The following MAPK10 variants were observed in gnomAD, a reference collection of about 807,000 sequenced individuals.
The protein encoded by MAPK10 is JNK3 alpha protein kinase.
MAPK10 carries 25 observed loss-of-function variants against 59.3 expected under a neutral mutation model. The observed-to-expected ratio is 0.42, with a 90% confidence interval of 0.31 to 0.59. The LOEUF (loss-of-function observed/expected upper bound fraction) is 0.59. Ranked by LOEUF, MAPK10 falls within the 20% of genes least tolerant of loss-of-function variation. MAPK10 has a pLI of 0.15. For missense variants in MAPK10, 351 were observed against 568.9 expected (o/e 0.62, Z 3.90); for synonymous variants, 190 against 200.5 (o/e 0.95, Z 0.44).
At chr4:86,462,994 C>A (rs551690493) in intron 1 of MAPK10, among the ~76,000 whole-genome samples, 2 of 152,210 alleles carry the variant, frequency 1.3e-5, no homozygotes, top group Admixed American at 6.5e-5. Flanking sequence ...TTGGATAGAA[C>A]AATGGCCACT....
chr4:86,418,432 AT>A (rs1249124912), intron 1 of MAPK10, among the ~76,000 whole-genome samples: 1 of 152,230 alleles, frequency 6.6e-6, no homozygotes, highest in Non-Finnish European at 1.5e-5. Context: ...TTCATTAAAG[AT>A]TTATGGCAAA....
intron 1 of MAPK10, among the ~76,000 whole-genome samples, chr4:86,571,327 C>CGTGTGTGTGTGT (rs34133535): frequency 1.2e-3 from 168 of 139,704 alleles, no homozygotes; most frequent in Non-Finnish European, 1.7e-3. Flanking sequence ...TATATATATA[C>CGTGTGTGTGTGT]GTGTGTGTGT....
intron 12 of MAPK10, among the ~76,000 whole-genome samples, chr4:86,030,561 G>A (rs188051663): frequency 2.6e-4 from 39 of 152,064 alleles, no homozygotes; most frequent in Non-Finnish European, 4.9e-4. Context: ...CTGAACTCCC[G>A]GGCTCAAGTG....
intron 1 of MAPK10, among the ~76,000 whole-genome samples, chr4:86,445,212 A>G (rs1023399832): frequency 2.0e-5 from 3 of 152,244 alleles, no homozygotes; most frequent in Non-Finnish European, 4.4e-5. Context: ...AATGTGGCAC[A>G]TATACACCAT....
chr4:86,495,739 T>C (rs146583151), intron 1 of MAPK10, among the ~76,000 whole-genome samples: 1,959 of 152,332 alleles, frequency 0.013, 11 homozygotes, highest in African/African-American at 0.015. Context: ...AATGTATTTG[T>C]TGAAAAAATG....
intron 13 of MAPK10, chr4:86,023,841 A>ATG (rs1748713333): frequency 1.5e-5 from 2 of 135,754 alleles, no homozygotes; most frequent in South Asian, 4.3e-4. Flanking sequence ...ATATATATAT[A>ATG]TATATATATA....
chr4:86,354,481 A>G (rs1291266141), intron 2 of MAPK10, 49 bp downstream of exon 2: 3 of 807,204 alleles, frequency 3.7e-6, no homozygotes, highest in African/African-American at 3.6e-5. Context: ...AATTGGCTAT[A>G]TAGATCCTAG....
chr4:86,179,973 C>CA (rs527802012), intron 3 of MAPK10, among the ~76,000 whole-genome samples: 28,383 of 149,266 alleles, frequency 0.19, 2,805 homozygotes, highest in African/African-American at 0.25. Context: ...GGCAACAAAA[C>CA]AAAAAAAAAT....
At chr4:86,270,454 C>A (rs1044864654) in intron 2 of MAPK10, among the ~76,000 whole-genome samples, 1 of 151,938 alleles carries the variant, frequency 6.6e-6, no homozygotes, top group Non-Finnish European at 1.5e-5. Flanking sequence ...GTGGAGAACA[C>A]TGTTGTAAAT....
intron 1 of MAPK10, among the ~76,000 whole-genome samples, chr4:86,580,771 A>G (rs1248923526): frequency 6.6e-6 from 1 of 152,244 alleles, no homozygotes; most frequent in Admixed American, 6.5e-5. Flanking sequence ...TGCAACATGG[A>G]TAACTCATGT....
At chr4:86,064,492 C>T (rs2046342640) in intron 10 of MAPK10, 102 bp from the exon 11 acceptor site, 2 of 1,092,890 alleles carry the variant, frequency 1.8e-6, no homozygotes, top group Non-Finnish European at 1.4e-6. Context: ...ATAGTATCTT[C>T]CTTCCAAACA....
intron 3 of MAPK10, among the ~76,000 whole-genome samples, chr4:86,185,270 T>C (rs1469798338): frequency 4.1e-4 from 63 of 152,122 alleles, no homozygotes; most frequent in Admixed American, 4.1e-3. Flanking sequence ...TACTGATGTA[T>C]TATGGAGGCA....
intron 9 of MAPK10, among the ~76,000 whole-genome samples, chr4:86,088,017 G>A (rs892341209): frequency 6.6e-6 from 1 of 152,148 alleles, no homozygotes; most frequent in Non-Finnish European, 1.5e-5. Flanking sequence ...TTTTATTAAA[G>A]CAGAGGTTTT....
intron 4 of MAPK10, among the ~76,000 whole-genome samples, chr4:86,156,578 C>T (rs1379084075): frequency 2.0e-5 from 3 of 152,004 alleles, no homozygotes; most frequent in Admixed American, 2.0e-4. Context: ...CTCTGCTAAA[C>T]TTAGTTGTTA....
chr4:86,324,095 G>A (rs1318045207), intron 2 of MAPK10, among the ~76,000 whole-genome samples: 1 of 152,026 alleles, frequency 6.6e-6, no homozygotes, highest in African/African-American at 2.4e-5. Flanking sequence ...TTAAGAGAAG[G>A]GCATTTTATA....
At chr4:86,317,945 C>T (rs2095821624) in intron 2 of MAPK10, among the ~76,000 whole-genome samples, 3 of 152,152 alleles carry the variant, frequency 2.0e-5, no homozygotes, top group Admixed American at 2.0e-4. Context: ...TGGTGGTTGC[C>T]AGCAATCCTT....
chr4:86,358,484 G>GCTT, intron 1 of MAPK10: 5 of 498,996 alleles, frequency 1.0e-5, no homozygotes, highest in Non-Finnish European at 1.3e-5. Flanking sequence ...AGGCAGGGCT[G>GCTT]CTGTACAGAC....
chr4:86,289,182 G>A (rs2095136353), intron 2 of MAPK10, among the ~76,000 whole-genome samples: 1 of 152,162 alleles, frequency 6.6e-6, no homozygotes, highest in Non-Finnish European at 1.5e-5. Context: ...AGAACACCTA[G>A]AGAAAAGGCC....
intron 2 of MAPK10, among the ~76,000 whole-genome samples, chr4:86,242,145 C>T (rs1403106225): frequency 2.0e-5 from 3 of 152,038 alleles, no homozygotes; most frequent in East Asian, 1.9e-4. Context: ...GGGTTCACTT[C>T]AGGCCCTATT....
Sources: gnomAD v4.1 joint callset for allele counts (sites outside exome capture counted in the v4.1 genomes callset) on GRCh38, gnomAD v4.1.1 for gene constraint, MANE v1.5 for transcripts, NCBI Gene and HGNC (gene_info 2026-07-23, HGNC 2026-07-21) for gene names.